The following ERCC6L2 variants were observed in gnomAD, a reference collection of about 807,000 sequenced individuals.
ERCC6L2 encodes DNA excision repair protein ERCC-6-like 2.
A neutral mutation model predicts 132.0 loss-of-function variants in ERCC6L2; 77 were observed. The observed-to-expected ratio is 0.58, with a 90% CI of 0.49 to 0.71. The LOEUF is 0.71. Among genes scored for constraint, ERCC6L2 ranks in the 30% least tolerant of loss-of-function variants. The pLI, the probability that ERCC6L2 is intolerant of heterozygous loss-of-function variation, is 0.00. For missense variants in ERCC6L2, 1,542 were observed against 1,837.6 expected (o/e 0.84, Z 2.94); for synonymous variants, 583 against 632.4 (o/e 0.92, Z 1.17).
chr9:95,950,084 A>G (rs1285584178), intron 12 of ERCC6L2, among the ~76,000 whole-genome samples: 4 of 152,206 alleles, frequency 2.6e-5, no homozygotes, highest in African/African-American at 9.6e-5. Flanking sequence ...CAGTAACTCA[A>G]AGTCATACAA....
At chr9:95,947,876 C>G (rs1831136603) in intron 12 of ERCC6L2, among the ~76,000 whole-genome samples, 1 of 151,742 alleles carries the variant, frequency 6.6e-6, no homozygotes, top group African/African-American at 2.4e-5. Flanking sequence ...AGACCTACTG[C>G]TCAGAAAAAA....
intron 19 of ERCC6L2, chr9:96,027,740 C>G (rs1314052937): frequency 6.6e-6 from 1 of 152,450 alleles, no homozygotes; most frequent in Non-Finnish European, 1.5e-5. Context: ...CCCGGCCGCT[C>G]TTTCTCAGCA....
At chr9:95,989,135 C>G (rs527489971) in intron 17 of ERCC6L2, among the ~76,000 whole-genome samples, 11 of 152,288 alleles carry the variant, frequency 7.2e-5, no homozygotes, top group African/African-American at 2.6e-4. Flanking sequence ...CAGATGCTCT[C>G]AGAATCCAGT....
intron 19 of ERCC6L2, among the ~76,000 whole-genome samples, chr9:96,029,296 TC>T: frequency 9.7e-6 from 1 of 102,686 alleles, no homozygotes; most frequent in East Asian, 2.9e-4. Context: ...AGAGCAAGAC[TC>T]CGTCTCAAAA....
At chr9:95,924,236 T>C (rs1328590751) in intron 9 of ERCC6L2, among the ~76,000 whole-genome samples, 2 of 152,066 alleles carry the variant, frequency 1.3e-5, no homozygotes, top group Non-Finnish European at 2.9e-5. Context: ...GCAATTGATC[T>C]AGATAAGTTC....
chr9:96,004,545 A>G lies in ERCC6L2; in HGVS notation c.3518A>G (p.Asp1173Gly), dbSNP rs2133203087. 7.7e-7 allele frequency: 1 copy of G among 1,307,028 alleles called. No individual in the cohort carries two copies. Among genetic ancestry groups the G allele is most frequent in the Non-Finnish European group, 1.0e-6 (1 of 989,724 alleles). The allele number at this position is 1,307,028 out of a possible 1,614,324, so 81.0% of individuals were successfully genotyped here. The stretch of plus-strand genomic sequence containing the variant: ...ACATATAAAGAAAAAGTGGATGCAG[A>G]TACATTGCCACACACAAAGAAAGGC... ...SKTYKEKVDA[D>G]TLPHTKKGQQ... Residue 1173 changes from aspartate (D) to glycine (G), a missense_variant, in exon 18 of 19, where the codon GAT becomes GGT. Coordinates refer to ENST00000653738, the MANE Select transcript of ERCC6L2 (RefSeq NM_020207.7).
chr9:95,950,192 G>A (rs2132943661), intron 12 of ERCC6L2, among the ~76,000 whole-genome samples: 1 of 152,110 alleles, frequency 6.6e-6, no homozygotes, highest in East Asian at 1.9e-4. Context: ...TTTTCTACAG[G>A]ATTTAAAAGA....
rs199620814 is a variant in ERCC6L2 at position 95,907,074 on chromosome 9, T to G, written c.595-4T>G. On this transcript the variant is annotated splice_polypyrimidine_tract_variant and splice_region_variant and intron_variant, in intron 3 of 18. Coordinates refer to ENST00000653738, the MANE Select transcript of ERCC6L2 (RefSeq NM_020207.7). ...ACAGCAAAATTTTTTTATTCTTGTTTTAGATGTTCTTAATAGTTGCTCCTC... is the reference window on the plus strand; with the variant it reads ...ACAGCAAAATTTTTTTATTCTTGTTGTAGATGTTCTTAATAGTTGCTCCTC... 70 of 1,584,706 alleles carry G rather than the reference T, an allele frequency of 4.4e-5. No homozygotes were observed. Among genetic ancestry groups the G allele is most frequent in the Non-Finnish European group, 5.5e-5 (64 of 1,172,672 alleles).
rs1832448490 is a variant in ERCC6L2 at position 95,972,236 on chromosome 9, A to G, written c.2485A>G (p.Thr829Ala). The G allele has an allele frequency of 7.7e-7, 1 of 1,304,224 alleles. No homozygotes were observed. Among genetic ancestry groups the G allele is most frequent in the Non-Finnish European group, 1.0e-6 (1 of 988,928 alleles). The allele number at this position is 1,304,224 out of a possible 1,614,324, so 80.8% of individuals were successfully genotyped here. A position where few individuals can be genotyped will look rare whatever the true frequency, so the allele number is the denominator to read the frequency against. The change falls in exon 16 of 19, where the codon ACA (threonine) becomes GCA (alanine). Residue 829 changes from threonine to alanine, a missense_variant. Physicochemically the swap from Thr to Ala is moderately conservative, Grantham distance 58. Around this residue, in one of 4 missense-constraint regions of ERCC6L2, gnomAD observed 945 missense variants for 1,105.2 expected, o/e 0.86. Coordinates refer to ENST00000653738, the MANE Select transcript of ERCC6L2 (RefSeq NM_020207.7). ...SSDEQPTCLS[T>A]EAKDAGCEKN... Reference sequence around the variant, plus strand: ...TGATGAGCAGCCCACATGCCTTTCAACAGAAGCCAAAGATGCTGGTTGTGA... The same window carrying G: ...TGATGAGCAGCCCACATGCCTTTCAGCAGAAGCCAAAGATGCTGGTTGTGA...
chr9:95,932,843 A>G (rs1587930625), intron 11 of ERCC6L2, among the ~76,000 whole-genome samples: 1 of 152,204 alleles, frequency 6.6e-6, no homozygotes, highest in African/African-American at 2.4e-5. Flanking sequence ...AGTGTCTCAA[A>G]TACCAGTCCT....
intron 17 of ERCC6L2, among the ~76,000 whole-genome samples, chr9:95,987,381 A>C (rs971159005): frequency 1.3e-5 from 2 of 152,196 alleles, no homozygotes; most frequent in African/African-American, 4.8e-5. Flanking sequence ...TTCTAGATAC[A>C]ATGGACGTAC....
In ERCC6L2 at chr9:95,936,877, G is replaced by C. The variant is rs549425528; in HGVS notation, c.1752-4577G>C. On this transcript the variant is annotated intron_variant, in intron 11 of 18. Transcript: ENST00000653738. ...AATGTTATGTAAAGGGAGTCATAAA[G>C]TATGTAACCTTTTGGGATTGGCTAT... 2.0e-5 allele frequency among the ~76,000 whole-genome samples: 3 copies of C among 152,292 alleles called. No individual in the cohort carries two copies. In the South Asian group the frequency reaches 6.2e-4, roughly 32 times the overall value.
Position 95,973,006 on chromosome 9 carries a change from T to G in ERCC6L2, c.3255T>G (p.Phe1085Leu). Residue 1085 changes from phenylalanine to leucine, a missense_variant, in exon 16 of 19, where the codon TTT (phenylalanine) becomes TTG (leucine). Phe to Leu is a conservative substitution (Grantham distance 22, BLOSUM62 0). Transcript: ENST00000653738. ...LPSHNKKNST[F>L]IPRKPMKCSN... ...GCCATAATAAGAAAAATAGCACTTT[T>G]ATTCCAAGAAAACCAATGAAATGTT... 1 of 1,359,870 alleles carries G rather than the reference T, an allele frequency of 7.4e-7. No homozygotes were observed. 84.2% of individuals were successfully genotyped at this position (1,359,870 alleles called of 1,614,324 possible).
chr9:96,006,896 T>C (rs1360542614), intron 18 of ERCC6L2, among the ~76,000 whole-genome samples: 1 of 152,028 alleles, frequency 6.6e-6, no homozygotes, highest in Non-Finnish European at 1.5e-5. Context: ...TTCTGGGTGG[T>C]GTTAAGTTCC....
At chr9:95,965,240 A>G (rs1832098551) in intron 13 of ERCC6L2, among the ~76,000 whole-genome samples, 1 of 152,186 alleles carries the variant, frequency 6.6e-6, no homozygotes, top group Non-Finnish European at 1.5e-5. Context: ...AATTCTAGGA[A>G]TGACACTTCT....
intron 12 of ERCC6L2, 141 bp from the exon 13 acceptor site, chr9:95,955,773 A>AT: frequency 2.2e-6 from 1 of 444,926 alleles, no homozygotes; most frequent in Non-Finnish European, 3.9e-6. Flanking sequence ...TTATTACTAA[A>AT]TAGAGCATAT....
At chr9:95,887,155 A>G (rs1280411322) in intron 2 of ERCC6L2, among the ~76,000 whole-genome samples, 1 of 151,908 alleles carries the variant, frequency 6.6e-6, no homozygotes, top group Non-Finnish European at 1.5e-5. Context: ...AAGAGTAATA[A>G]AAGGAAATGA....
chr9:96,003,689 T>C (rs1231462360), intron 17 of ERCC6L2, among the ~76,000 whole-genome samples: 1 of 152,254 alleles, frequency 6.6e-6, no homozygotes, highest in African/African-American at 2.4e-5. Context: ...CCTACCCTAC[T>C]AGGGCTGCTG....
chr9:96,025,545 G>C (rs1834349172), intron 19 of ERCC6L2, among the ~76,000 whole-genome samples: 1 of 152,170 alleles, frequency 6.6e-6, no homozygotes. Flanking sequence ...AGCAGGAAGG[G>C]ACACTGAGCT....
Sources: allele counts gnomAD v4.1 joint callset (sites outside exome capture counted in the v4.1 genomes callset), GRCh38; gene constraint gnomAD v4.1.1; regional missense constraint gnomAD v4.1.1; transcripts MANE v1.5; gene names NCBI Gene and HGNC (gene_info 2026-07-23, HGNC 2026-07-21).